TUT4: variants seen among roughly 807,000 people sequenced by gnomAD.
TUT4 encodes terminal uridylyltransferase 4.
TUT4 carries 36 observed loss-of-function variants against 192.2 expected under a neutral mutation model. The ratio of observed to expected loss-of-function variants is 0.19; its 90% CI spans 0.14 to 0.25. The LOEUF (loss-of-function observed/expected upper bound fraction) is 0.25. TUT4 is among the 10% of genes least tolerant of loss of function. The pLI, the probability that TUT4 is intolerant of heterozygous loss-of-function variation, is 1.00. For synonymous variants in TUT4, 618 were observed against 666.0 expected, an observed-to-expected ratio of 0.93 and a Z score of 1.11; for missense variants, 1,493 against 1,957.2, an observed-to-expected ratio of 0.76 and a Z score of 4.47.
chr1:52,464,203 C>T (rs569059981), intron 16 of TUT4, among the ~76,000 whole-genome samples: 36 of 152,114 alleles, frequency 2.4e-4, no homozygotes, highest in African/African-American at 8.2e-4. Flanking sequence ...TGTTAGTTCT[C>T]CTCCCCGCCC....
At position 52,525,935 on chromosome 1, in the gene TUT4, C is replaced by T. The variant is rs1302387126; in HGVS notation, c.346G>A (p.Ala116Thr). Residue 116 changes from alanine (A) to threonine (T), a missense_variant, in exon 2 of 30, where the codon GCA becomes ACA. Transcript: ENST00000257177. ...VKAEKATISQ[A>T]KSEKATSLQA... ...AAACTGGTTGCCTTTTCTGATTTTG[C>T]CTGTGAAATGGTTGCCTTTTCGGCT... The T allele has an allele frequency of 1.4e-5, 22 of 1,613,938 alleles. No homozygotes were observed. Among genetic ancestry groups the T allele is most frequent in the Non-Finnish European group, 1.8e-5 (21 of 1,180,022 alleles).
At chr1:52,444,240 G>GA (rs569256684) in intron 24 of TUT4, among the ~76,000 whole-genome samples, 14 of 150,894 alleles carry the variant, frequency 9.3e-5, no homozygotes, top group Non-Finnish European at 1.9e-4. Context: ...CTCAAAAAAA[G>GA]AAAAAAAAAT....
chr1:52,546,454 A>G (rs1334608150), intron 1 of TUT4, among the ~76,000 whole-genome samples: 1 of 152,238 alleles, frequency 6.6e-6, no homozygotes, highest in African/African-American at 2.4e-5. Flanking sequence ...CAAATATTGT[A>G]TGATTCAATT....
In TUT4 at chr1:52,435,755, T is replaced by C. The variant is rs374945887; in HGVS notation, c.4163-290A>G. On this transcript the variant is annotated intron_variant, in intron 26 of 29. Coordinates refer to ENST00000257177, the MANE Select transcript of TUT4 (RefSeq NM_001009881.3). ...GGAGACAACATATTTATTTGAGAAA[T>C]ACTTTCTGGTTGGGTGCAGTGGCTC... 1.8e-4 allele frequency among the ~76,000 whole-genome samples: 27 copies of C among 152,300 alleles called. No homozygotes were observed. The East Asian group carries it at 3.3e-3, about 19-fold the overall frequency.
At chr1:52,544,263 G>A in intron 1 of TUT4, among the ~76,000 whole-genome samples, 2 of 151,548 alleles carry the variant, frequency 1.3e-5, no homozygotes, top group East Asian at 3.9e-4. Flanking sequence ...ACTTCAGCCT[G>A]GGCGACAGAG....
At chr1:52,552,259 A>C (rs1689634783) in intron 1 of TUT4, among the ~76,000 whole-genome samples, 1 of 152,188 alleles carries the variant, frequency 6.6e-6, no homozygotes, top group African/African-American at 2.4e-5. Flanking sequence ...AGGAGTCTGA[A>C]ACCCTTCGCA....
At chr1:52,456,955 G>C (rs1661153778) in intron 20 of TUT4, among the ~76,000 whole-genome samples, 1 of 152,094 alleles carries the variant, frequency 6.6e-6, no homozygotes, top group Admixed American at 6.6e-5. Flanking sequence ...ATGCATGTGT[G>C]GGTACAGGAG....
At chr1:52,442,687 T>C (rs1242754858) in intron 24 of TUT4, among the ~76,000 whole-genome samples, 2 of 152,188 alleles carry the variant, frequency 1.3e-5, no homozygotes, top group Non-Finnish European at 2.9e-5. Context: ...CCTGTGTAAG[T>C]TGTTAACACT....
intron 3 of TUT4, among the ~76,000 whole-genome samples, chr1:52,512,991 C>T (rs1417993295): frequency 6.6e-6 from 1 of 151,836 alleles, no homozygotes; most frequent in African/African-American, 2.4e-5. Context: ...GTTGTGGTAG[C>T]GCATGCCTGT....
At chr1:52,550,280 T>TA (rs911182371) in intron 1 of TUT4, among the ~76,000 whole-genome samples, 1 of 152,164 alleles carries the variant, frequency 6.6e-6, no homozygotes, top group Non-Finnish European at 1.5e-5. Context: ...TATCCTGTTT[T>TA]AAAGTATGGT....
chr1:52,516,009 A>G lies in TUT4; in HGVS notation c.764T>C (p.Met255Thr). 1 of 1,613,632 alleles carries G rather than the reference A, an allele frequency of 6.2e-7. No individual in the cohort carries two copies. The highest frequency in any genetic ancestry group is 8.5e-7 in the Non-Finnish European group (1 of 1,179,798). ...CACAGTGGCATTTTCTAAGTAGTCC[A>G]TCTCTGAAGAATTTTCTTTATTAGA... ...DESNKENSSE[M>T]DYLENATVID... is the part of the protein sequence containing the mutation. Residue 255 changes from methionine to threonine, a missense_variant, in exon 3 of 30, where the codon ATG (methionine) becomes ACG (threonine). Transcript: ENST00000257177.
At chr1:52,425,063 A>C (rs1649384790) in intron 29 of TUT4, 1 of 252,388 alleles carries the variant, frequency 4.0e-6, no homozygotes. Flanking sequence ...CTTGTGATGT[A>C]ATAATCTTAA....
chr1:52,517,279 A>C (rs1191346187), intron 2 of TUT4, among the ~76,000 whole-genome samples: 1 of 152,188 alleles, frequency 6.6e-6, no homozygotes, highest in African/African-American at 2.4e-5. Flanking sequence ...TCTTACTTTT[A>C]CCTTCAGATT....
At chr1:52,471,905 T>C (rs746319543) in intron 14 of TUT4, 47 bp downstream of exon 14, 4 of 1,528,964 alleles carry the variant, frequency 2.6e-6, no homozygotes, top group East Asian at 2.3e-5. Flanking sequence ...ATATTTAATA[T>C]CTAAGAAGGA....
At chr1:52,506,263 G>A (rs1675534317) in intron 4 of TUT4, among the ~76,000 whole-genome samples, 1 of 152,188 alleles carries the variant, frequency 6.6e-6, no homozygotes, top group Non-Finnish European at 1.5e-5. Flanking sequence ...TTCATGAGGA[G>A]TTTTGGCCTA....
At chr1:52,459,129 TAA>T (rs1661773979) in intron 19 of TUT4, among the ~76,000 whole-genome samples, 1 of 151,710 alleles carries the variant, frequency 6.6e-6, no homozygotes, top group South Asian at 2.1e-4. Context: ...CTACTAAAAA[TAA>T]AAAAGTTAGC....
chr1:52,508,651 G>A (rs1351238768), intron 4 of TUT4, among the ~76,000 whole-genome samples: 1 of 152,188 alleles, frequency 6.6e-6, no homozygotes, highest in African/African-American at 2.4e-5. Context: ...ATATGTGGAA[G>A]TTGTTATGGG....
In TUT4 at chr1:52,458,429, A is replaced by G. The variant is rs1334385740; in HGVS notation, c.3342T>C (p.Ala1114=). The G allele has an allele frequency of 3.1e-6, 5 of 1,613,450 alleles. No homozygotes were observed. Among genetic ancestry groups the G allele is most frequent in the Non-Finnish European group, 4.2e-6 (5 of 1,179,694 alleles). ...VFAKRCDIGD[A]SRGSLSSYAY... ...CATATGAAGATAAACTTCCCCTGGAAGCATCCCCAATGTCACATCGCTAAA... is the reference window on the plus strand; with the variant it reads ...CATATGAAGATAAACTTCCCCTGGAGGCATCCCCAATGTCACATCGCTAAA... Residue 1114 remains alanine (A), a synonymous_variant, in exon 20 of 30, where the codon GCT becomes GCC. Transcript: ENST00000257177.
intron 4 of TUT4, among the ~76,000 whole-genome samples, chr1:52,502,226 T>C (rs1024177426): frequency 6.6e-6 from 1 of 152,052 alleles, no homozygotes; most frequent in East Asian, 1.9e-4. Context: ...TTGGTCTCAA[T>C]TTGCATTTCT....
Sources: gnomAD v4.1 joint callset for allele counts (sites outside exome capture counted in the v4.1 genomes callset) on GRCh38, gnomAD v4.1.1 for gene constraint, MANE v1.5 for transcripts, NCBI Gene and HGNC (gene_info 2026-07-23, HGNC 2026-07-21) for gene names.